Variants in ABL2 observed in about 807,000 individuals in gnomAD.
The protein encoded by ABL2 is tyrosine-protein kinase ABL2.
ABL2 carries 49 observed loss-of-function variants against 107.7 expected under a neutral mutation model. That is an observed-to-expected ratio of 0.45 (90% confidence interval 0.36 to 0.58). The LOEUF (loss-of-function observed/expected upper bound fraction) is 0.58, where lower values mean the gene tolerates loss of function less well. Among genes scored for constraint, ABL2 ranks in the 20% least tolerant of loss-of-function variants. The probability of loss-of-function intolerance (pLI) is 0.00; values close to 1 mark genes in which losing one functional copy is unlikely to be tolerated. For synonymous variants in ABL2, 549 were observed against 548.6 expected (o/e 1.00, Z -0.01); for missense variants, 1,245 against 1,457.0 (o/e 0.85, Z 2.37).
chr1:179,147,158 A>G lies in ABL2; in HGVS notation c.158-13784T>C, dbSNP rs2791939. 2.7e-5 allele frequency among the ~76,000 whole-genome samples: 4 copies of G among 146,356 alleles called. No homozygotes were observed. The East Asian group carries it at 6.0e-4, about 22-fold the overall frequency. ...TAACAAACATATGAATAAATGGTCC[A>G]ATCACTAATCATCAGAGAAATGCAA... On this transcript the variant is annotated intron_variant, in intron 1 of 11. Coordinates refer to ENST00000502732, the MANE Select transcript of ABL2 (RefSeq NM_007314.4).
chr1:179,119,558 GAA>G (rs540402752), intron 6 of ABL2, among the ~76,000 whole-genome samples: 1 of 121,620 alleles, frequency 8.2e-6, no homozygotes, highest in Non-Finnish European at 1.8e-5. Context: ...CCAAAAAAAA[GAA>G]AAAAAAAAAA....
chr1:179,210,807 T>C (rs1021478108), intron 1 of ABL2, among the ~76,000 whole-genome samples: 1 of 151,706 alleles, frequency 6.6e-6, no homozygotes, highest in Non-Finnish European at 1.5e-5. Context: ...TAAGCCGAGA[T>C]TGCACCACTG....
At chr1:179,189,276 C>T (rs1210237686) in intron 1 of ABL2, among the ~76,000 whole-genome samples, 1 of 152,096 alleles carries the variant, frequency 6.6e-6, no homozygotes, top group Non-Finnish European at 1.5e-5. Flanking sequence ...GCTGGGATTA[C>T]AGGTATGCAC....
In ABL2 at chr1:179,126,490, T is replaced by C. The variant is rs1655730999; in HGVS notation, c.574A>G (p.Asn192Asp). The C allele has an allele frequency of 5.0e-6, 8 of 1,614,016 alleles. No individual in the cohort carries two copies. Among genetic ancestry groups the C allele is most frequent in the Non-Finnish European group, 6.8e-6 (8 of 1,180,040 alleles). Reference protein sequence around the residue: ...AAEYLLSSLINGSFLVRESES... With the variant: ...AAEYLLSSLIDGSFLVRESES... ...CTTTCTCGCACCAGGAAGCTGCCAT[T>C]GATTAGACTGCTGAGCAGATACTCA... Residue 192 changes from asparagine (N) to aspartate (D), a missense_variant, in exon 4 of 12, where the codon AAT (asparagine) becomes GAT (aspartate). By Grantham distance (23) the Asn-to-Asp change is conservative (BLOSUM62 1). This residue lies in a region of ABL2 where 320 missense variants were observed against 547.0 expected (regional missense o/e 0.59). Transcript: ENST00000502732. This position sits in a 1 kb window ranked among gnomAD's most constrained non-coding sequence, Gnocchi z 4.4.
chr1:179,206,501 TAAAA>T (rs71685132), intron 1 of ABL2, among the ~76,000 whole-genome samples: 7 of 128,664 alleles, frequency 5.4e-5, no homozygotes, highest in African/African-American at 8.4e-5. Flanking sequence ...TGCATCCATT[TAAAA>T]AAAAAAAAAA....
intron 1 of ABL2, among the ~76,000 whole-genome samples, chr1:179,198,173 A>C (rs1332246840): frequency 7.8e-6 from 1 of 128,380 alleles, no homozygotes; most frequent in African/African-American, 2.8e-5. Flanking sequence ...ACCCTGTGCC[A>C]AAAAAAAAAA....
chr1:179,124,660 G>A (rs765858746), intron 4 of ABL2, among the ~76,000 whole-genome samples: 53 of 151,712 alleles, frequency 3.5e-4, no homozygotes, highest in Admixed American at 7.2e-4. Context: ...GTAGAGACAG[G>A]GTTTCACCAT....
At position 179,192,094 on chromosome 1, in the gene ABL2, A is replaced by T. The variant is rs186703100; in HGVS notation, c.157+37147T>A. On this transcript the variant is annotated intron_variant, in intron 1 of 11. Coordinates refer to ENST00000502732, the MANE Select transcript of ABL2 (RefSeq NM_007314.4). ...AAAATATAACAAAATATTTGAACCA[A>T]TCATATTTCACTCCTTGGTTAGTCA... is the stretch of plus-strand genomic sequence containing the variant. 1.5e-3 allele frequency among the ~76,000 whole-genome samples: 234 copies of T among 152,330 alleles called. 1 individual carries two copies. The highest frequency in any genetic ancestry group is 2.4e-3 in the Non-Finnish European group (160 of 68,036).
intron 7 of ABL2, 72 bp from the exon 8 acceptor site, chr1:179,117,588 G>A: frequency 6.6e-7 from 1 of 1,518,620 alleles, no homozygotes; most frequent in Non-Finnish European, 9.0e-7. Flanking sequence ...CTCTATTCTT[G>A]GTTTTGTGTT....
intron 1 of ABL2, among the ~76,000 whole-genome samples, chr1:179,152,962 T>G (rs904023063): frequency 2.6e-5 from 4 of 152,036 alleles, no homozygotes; most frequent in African/African-American, 9.7e-5. Context: ...CACCCAGATA[T>G]CAAAGAAAGA....
At chr1:179,120,863 A>G (rs1483371695) in intron 5 of ABL2, among the ~76,000 whole-genome samples, 1 of 152,168 alleles carries the variant, frequency 6.6e-6, no homozygotes, top group Non-Finnish European at 1.5e-5. Flanking sequence ...GTTCTCTCAT[A>G]GTTTACTTCT....
chr1:179,108,685 G>C lies in ABL2; in HGVS notation c.2582C>G (p.Pro861Arg), dbSNP rs766401714. The C allele has an allele frequency of 1.7e-5, 27 of 1,614,060 alleles. No individual in the cohort carries two copies. Among genetic ancestry groups the C allele is most frequent in the Non-Finnish European group, 2.2e-5 (26 of 1,180,022 alleles). Residue 861 changes from proline to arginine, a missense_variant, in exon 12 of 12, where the codon CCT becomes CGT. By Grantham distance (103) the Pro-to-Arg change is moderately radical. Around this residue, in one of 3 missense-constraint regions of ABL2, gnomAD observed 761 missense variants for 766.4 expected, o/e 0.99. Coordinates refer to ENST00000502732, the MANE Select transcript of ABL2 (RefSeq NM_007314.4). ...KLLPRGATAL[P>R]LRTPSGDLAI... is the part of the protein sequence containing the mutation. ...TAGATCCCCAGAGGGTGTTCTGAGA[G>C]GAAGAGCTGTGGCTCCTCTGGGCAA...
intron 1 of ABL2, among the ~76,000 whole-genome samples, chr1:179,178,297 C>T (rs1027324637): frequency 6.7e-6 from 1 of 149,172 alleles, no homozygotes; most frequent in African/African-American, 2.5e-5. Flanking sequence ...ACTTGAGAGG[C>T]TAAGGTAAGA....
intron 1 of ABL2, among the ~76,000 whole-genome samples, chr1:179,178,269 G>T (rs1284829733): frequency 6.6e-6 from 1 of 151,832 alleles, no homozygotes; most frequent in Non-Finnish European, 1.5e-5. Context: ...GTGGTGGCAT[G>T]CACCTGCAGT....
intron 1 of ABL2, among the ~76,000 whole-genome samples, chr1:179,169,234 T>C (rs1659573463): frequency 6.6e-6 from 1 of 152,004 alleles, no homozygotes; most frequent in Non-Finnish European, 1.5e-5. Context: ...ACCACCACTA[T>C]GAGAAACAAT....
At chr1:179,119,408 C>G (rs1318997759) in intron 6 of ABL2, among the ~76,000 whole-genome samples, 1 of 151,624 alleles carries the variant, frequency 6.6e-6, no homozygotes, top group Non-Finnish European at 1.5e-5. Flanking sequence ...TGGTGATGCA[C>G]GTTGAGGCAC....
At chr1:179,114,416 G>A (rs1368324207) in intron 9 of ABL2, among the ~76,000 whole-genome samples, 1 of 152,104 alleles carries the variant, frequency 6.6e-6, no homozygotes, top group African/African-American at 2.4e-5. Flanking sequence ...AACAAAGCAA[G>A]AGTGTTTGAA....
At chr1:179,217,200 A>C (rs1306640928) in intron 1 of ABL2, among the ~76,000 whole-genome samples, 1 of 151,904 alleles carries the variant, frequency 6.6e-6, no homozygotes, top group Non-Finnish European at 1.5e-5. Flanking sequence ...AGGCTGAAGC[A>C]GGAAAATCGC....
At chr1:179,229,208 C>CCCCCCCCCCCCCCCACAA in intron 1 of ABL2, 33 bp downstream of exon 1, 1 of 1,488,056 alleles carries the variant, frequency 6.7e-7, no homozygotes. Context: ...CGGCCTCCCC[C>CCCCCCCCCCCCCCCACAA]ACGCTCTCAT....
Sources: gnomAD v4.1 joint callset for allele counts (sites outside exome capture counted in the v4.1 genomes callset) on GRCh38, gnomAD v4.1.1 for gene constraint, gnomAD v4.1.1 regional missense constraint, Gnocchi (gnomAD v3.1) non-coding constraint, MANE v1.5 for transcripts, NCBI Gene and HGNC (gene_info 2026-07-23, HGNC 2026-07-21) for gene names.